PHACTR3: variants seen among roughly 807,000 people sequenced by gnomAD.
PHACTR3 encodes the protein protein phosphatase 1, regulatory subunit 123.
A neutral mutation model predicts 66.8 loss-of-function variants in PHACTR3; 16 were observed. That is an observed-to-expected ratio of 0.24 (90% confidence interval 0.16 to 0.36). The LOEUF is 0.36. Ranked by LOEUF, PHACTR3 falls within the 10% of genes least tolerant of loss-of-function variation. The pLI is 1.00. For missense variants in PHACTR3, 647 were observed against 719.9 expected, an observed-to-expected ratio of 0.90 and a Z score of 1.16; for synonymous variants, 323 against 292.1, an observed-to-expected ratio of 1.11 and a Z score of -1.08.
chr20:59,742,733 T>A (rs2039212812), intron 1 of PHACTR3, among the ~76,000 whole-genome samples: 1 of 152,014 alleles, frequency 6.6e-6, no homozygotes, highest in Non-Finnish European at 1.5e-5. Context: ...GAGCTGAAGT[T>A]TATGAGGCAG....
intron 7 of PHACTR3, among the ~76,000 whole-genome samples, chr20:59,791,936 A>G (rs1414206751): frequency 6.6e-6 from 1 of 152,174 alleles, no homozygotes; most frequent in Non-Finnish European, 1.5e-5. Flanking sequence ...ACAAGCGAAG[A>G]TACATTAATA....
chr20:59,827,882 A>C (rs564075189), intron 8 of PHACTR3, among the ~76,000 whole-genome samples: 41 of 152,144 alleles, frequency 2.7e-4, no homozygotes, highest in Non-Finnish European at 5.2e-4. Flanking sequence ...CCTGCCTCCT[A>C]TGCCCTCAGG....
At chr20:59,677,785 G>T (rs186910584) in intron 1 of PHACTR3, among the ~76,000 whole-genome samples, 5 of 152,182 alleles carry the variant, frequency 3.3e-5, no homozygotes, top group Non-Finnish European at 7.3e-5. Flanking sequence ...AATTATGTGC[G>T]TGTATAATGA....
At chr20:59,761,177 A>C (rs1437883969) in intron 4 of PHACTR3, among the ~76,000 whole-genome samples, 5 of 152,142 alleles carry the variant, frequency 3.3e-5, no homozygotes. Context: ...GCTGTGGAGC[A>C]CTGCTCTAGT....
chr20:59,660,067 G>A (rs2035758583), intron 1 of PHACTR3, among the ~76,000 whole-genome samples: 1 of 152,146 alleles, frequency 6.6e-6, no homozygotes. Flanking sequence ...TTTCTCTTGA[G>A]TTTCCTCCTT....
At chr20:59,823,046 G>A (rs901046313) in intron 8 of PHACTR3, among the ~76,000 whole-genome samples, 5 of 152,230 alleles carry the variant, frequency 3.3e-5, no homozygotes, top group Non-Finnish European at 7.3e-5. Context: ...GGCAGGCCCT[G>A]GTACCTGGCA....
At chr20:59,831,148 GGTCAC>G (rs1234785526) in intron 8 of PHACTR3, among the ~76,000 whole-genome samples, 1 of 152,190 alleles carries the variant, frequency 6.6e-6, no homozygotes, top group Non-Finnish European at 1.5e-5. Flanking sequence ...GTGCCTGTGG[GGTCAC>G]CTGTTTGGCT....
At chr20:59,684,749 G>A (rs1231735106) in intron 1 of PHACTR3, among the ~76,000 whole-genome samples, 2 of 152,220 alleles carry the variant, frequency 1.3e-5, no homozygotes, top group African/African-American at 2.4e-5. Flanking sequence ...CTGCTGAGCT[G>A]TTATGACATC....
chr20:59,663,132 C>T (rs919356966), intron 1 of PHACTR3, among the ~76,000 whole-genome samples: 5 of 152,232 alleles, frequency 3.3e-5, no homozygotes, highest in African/African-American at 1.2e-4. Context: ...GTGGCCTTTA[C>T]TGTGCATGTC....
chr20:59,835,535 A>G (rs1340763496), intron 8 of PHACTR3, among the ~76,000 whole-genome samples: 2 of 152,188 alleles, frequency 1.3e-5, no homozygotes, highest in Admixed American at 1.3e-4. Flanking sequence ...TAGGCATTCA[A>G]ATACTGGGCC....
chr20:59,840,331 CTTTG>C, intron 9 of PHACTR3, 34 bp from the exon 10 acceptor site: 2 of 1,597,034 alleles, frequency 1.3e-6, no homozygotes, highest in Non-Finnish European at 8.5e-7. Context: ...ACCTGTTTCT[CTTTG>C]TTATTTTTTT....
At chr20:59,635,194 C>CTG (rs33980731) in intron 1 of PHACTR3, among the ~76,000 whole-genome samples, 1 of 54,980 alleles carries the variant, frequency 1.8e-5, no homozygotes, top group Non-Finnish European at 3.4e-5. Context: ...TTCTTTCTTT[C>CTG]TCTTTCTTTC....
chr20:59,844,237 TTATGGAAAACAG>T (rs1407963563), intron 11 of PHACTR3: 1 of 152,116 alleles, frequency 6.6e-6, no homozygotes, highest in African/African-American at 2.4e-5. Context: ...AATGCAGCCA[TTATGGAAAACAG>T]TATGGAGACT....
chr20:59,735,506 G>A (rs2038915326), intron 1 of PHACTR3, among the ~76,000 whole-genome samples: 1 of 152,062 alleles, frequency 6.6e-6, no homozygotes, highest in Non-Finnish European at 1.5e-5. Flanking sequence ...ATGTTTTTGG[G>A]GAATTTCGTG....
At chr20:59,761,971 G>A (rs1397798953) in intron 4 of PHACTR3, among the ~76,000 whole-genome samples, 1 of 152,246 alleles carries the variant, frequency 6.6e-6, no homozygotes, top group African/African-American at 2.4e-5. Flanking sequence ...CACTTGAGAT[G>A]TTAACAGATG....
chr20:59,647,767 A>G (rs2035333118), intron 1 of PHACTR3, among the ~76,000 whole-genome samples: 1 of 152,168 alleles, frequency 6.6e-6, no homozygotes, highest in Non-Finnish European at 1.5e-5. Context: ...CCTAAATCAG[A>G]ATTAAGCTCC....
At position 59,736,156 on chromosome 20, in the gene PHACTR3, G is replaced by A. The variant is rs1262238285; in HGVS notation, c.119-6951G>A. ...CCAGCTGCCCCATCCATCATCTGAG[G>A]ACTGAGGCTGTGTGTAGCACTTCCT... On this transcript the variant is annotated intron_variant, in intron 1 of 12. Transcript: ENST00000371015. This position sits in a 1 kb window ranked among gnomAD's most constrained non-coding sequence, Gnocchi z 4.6. Among the ~76,000 whole-genome samples, 1 of 152,090 alleles carries A rather than the reference G, an allele frequency of 6.6e-6. No individual in the cohort carries two copies. Among genetic ancestry groups the A allele is most frequent in the African/African-American group, 2.4e-5 (1 of 41,422 alleles).
intron 1 of PHACTR3, among the ~76,000 whole-genome samples, chr20:59,657,277 GTGTGTGTT>G (rs1334154465): frequency 6.6e-6 from 1 of 151,848 alleles, no homozygotes; most frequent in Non-Finnish European, 1.5e-5. Flanking sequence ...GTGTGTGTGT[GTGTGTGTT>G]TGTGTGTTAT....
chr20:59,668,865 T>C (rs2036090890), intron 1 of PHACTR3, among the ~76,000 whole-genome samples: 1 of 124,354 alleles, frequency 8.0e-6, no homozygotes, highest in African/African-American at 3.2e-5. Context: ...CACACACAGC[T>C]AATTTTTTTA....
Sources: gnomAD v4.1 joint callset for allele counts (sites outside exome capture counted in the v4.1 genomes callset) on GRCh38, gnomAD v4.1.1 for gene constraint, Gnocchi (gnomAD v3.1) non-coding constraint, MANE v1.5 for transcripts, NCBI Gene and HGNC (gene_info 2026-07-23, HGNC 2026-07-21) for gene names.